NFIB: variants seen among roughly 807,000 people sequenced by gnomAD.
NFIB encodes the protein nuclear factor 1 B-type.
In NFIB, 11 loss-of-function variants were observed where a neutral mutation model predicts 61.5. That is an observed-to-expected ratio of 0.18 (90% confidence interval 0.11 to 0.30). The LOEUF is 0.30. Ranked by LOEUF, NFIB falls within the 10% of genes least tolerant of loss-of-function variation. NFIB has a pLI of 1.00. For missense variants in NFIB, 471 were observed against 608.9 expected (o/e 0.77, Z 2.38); for synonymous variants, 260 against 216.5 (o/e 1.20, Z -1.76).
chr9:14,346,753 C>G (rs1333125783), intron 1 of NFIB, among the ~76,000 whole-genome samples: 1 of 152,132 alleles, frequency 6.6e-6, no homozygotes, highest in Non-Finnish European at 1.5e-5. Flanking sequence ...GGTCACCTGG[C>G]GGTGCGCAAG....
Position 14,280,365 on chromosome 9 carries a change from A to G in NFIB, c.562+26624T>C, listed in dbSNP as rs74810766. On this transcript the variant is annotated intron_variant, in intron 2 of 10. Coordinates refer to ENST00000380953, the MANE Select transcript of NFIB (RefSeq NM_001190737.2). ...GATGAAAATACGCACACACACACAC[A>G]TTCAAGTGTTTAAAAGAGTATCTAC... 7.6e-3 allele frequency among the ~76,000 whole-genome samples: 1,151 copies of G among 152,304 alleles called. 19 individuals are homozygous for G. Among genetic ancestry groups the G allele is most frequent in the African/African-American group, 0.026 (1,064 of 41,574 alleles).
chr9:14,334,401 A>C (rs956847947), intron 1 of NFIB, among the ~76,000 whole-genome samples: 1 of 152,200 alleles, frequency 6.6e-6, no homozygotes, highest in Admixed American at 6.5e-5. Flanking sequence ...CAATATTTCC[A>C]TGTGGTTTTA....
chr9:14,502,830 T>C, the NFIB span, among the ~76,000 whole-genome samples: 1 of 152,188 alleles, frequency 6.6e-6, no homozygotes, highest in East Asian at 1.9e-4. Context: ...GGTACACCCA[T>C]CACCTGAGCA....
intron 2 of NFIB, among the ~76,000 whole-genome samples, chr9:14,244,619 C>T (rs2054701628): frequency 6.6e-6 from 1 of 152,146 alleles, no homozygotes; most frequent in Non-Finnish European, 1.5e-5. Flanking sequence ...GTTCACAAAC[C>T]ATGCCCAGTT....
chr9:14,087,175 G>A lies in NFIB; in HGVS notation c.*1134C>T, dbSNP rs1022320440. On this transcript the variant is annotated 3_prime_UTR_variant, in exon 11 of 11. Transcript: ENST00000380953. Reference sequence around the variant, plus strand: ...ACCCTATGGGTTCTTGATGCAACCAGTAATTTTAAATAAATAAATTCTACC... The same window carrying A: ...ACCCTATGGGTTCTTGATGCAACCAATAATTTTAAATAAATAAATTCTACC... 5.0e-6 allele frequency: 1 copy of A among 200,100 alleles called. No individual in the cohort carries two copies. Among genetic ancestry groups the A allele is most frequent in the African/African-American group, 2.3e-5 (1 of 43,416 alleles). 12.4% of individuals were successfully genotyped at this position (200,100 alleles called of 1,614,324 possible).
intron 2 of NFIB, among the ~76,000 whole-genome samples, chr9:14,245,851 T>A (rs2054864123): frequency 3.3e-5 from 5 of 152,068 alleles, no homozygotes; most frequent in Admixed American, 3.3e-4. Context: ...CCAGCCTGGG[T>A]GACAGAGCGA....
intron 2 of NFIB, among the ~76,000 whole-genome samples, chr9:14,284,811 C>A (rs1347947537): frequency 6.6e-6 from 1 of 152,148 alleles, no homozygotes; most frequent in East Asian, 1.9e-4. Flanking sequence ...TAGGGAAGAT[C>A]TTTATCATAA....
At chr9:14,285,480 G>A (rs1259340343) in intron 2 of NFIB, among the ~76,000 whole-genome samples, 5 of 152,122 alleles carry the variant, frequency 3.3e-5, no homozygotes, top group Non-Finnish European at 5.9e-5. Flanking sequence ...AATATGTAGA[G>A]GTTATTTCAG....
intron 2 of NFIB, among the ~76,000 whole-genome samples, chr9:14,265,153 G>A (rs1039175035): frequency 3.3e-5 from 5 of 152,254 alleles, no homozygotes; most frequent in African/African-American, 4.8e-5. Flanking sequence ...TGGAGAAAAG[G>A]TTGTATCTAC....
the NFIB span, among the ~76,000 whole-genome samples, chr9:14,474,750 C>T: frequency 1.3e-5 from 2 of 152,092 alleles, no homozygotes; most frequent in Admixed American, 1.3e-4. Flanking sequence ...AGGGAGAAAT[C>T]AAAAGAAAGA....
chr9:14,292,493 A>G (rs1161776559), intron 2 of NFIB, among the ~76,000 whole-genome samples: 2 of 152,240 alleles, frequency 1.3e-5, no homozygotes, highest in Non-Finnish European at 2.9e-5. Context: ...TTTATTAAGT[A>G]TTGCTTACTA....
At chr9:14,218,813 A>T (rs2051264036) in intron 2 of NFIB, among the ~76,000 whole-genome samples, 1 of 152,198 alleles carries the variant, frequency 6.6e-6, no homozygotes, top group Non-Finnish European at 1.5e-5. Flanking sequence ...AGCCTTGTTA[A>T]GTCCAGGTAA....
chr9:14,500,344 G>A, the NFIB span, among the ~76,000 whole-genome samples: 1 of 152,092 alleles, frequency 6.6e-6, no homozygotes, highest in East Asian at 1.9e-4. Context: ...GCAAGAACAC[G>A]TTTACCCCCA....
At chr9:14,304,847 C>T (rs553951070) in intron 2 of NFIB, among the ~76,000 whole-genome samples, 4 of 152,272 alleles carry the variant, frequency 2.6e-5, no homozygotes, top group East Asian at 3.9e-4. Context: ...AATTAACCTA[C>T]ACTTGACAAA....
At chr9:14,397,020 G>A (rs1321831029) in intron 1 of NFIB, among the ~76,000 whole-genome samples, 5 of 152,154 alleles carry the variant, frequency 3.3e-5, no homozygotes, top group South Asian at 2.1e-4. Flanking sequence ...AGATCCTAAC[G>A]AAGCTCTTCC....
chr9:14,104,382 C>G (rs2036237312), intron 10 of NFIB, among the ~76,000 whole-genome samples: 3 of 151,064 alleles, frequency 2.0e-5, no homozygotes, highest in Admixed American at 2.0e-4. Flanking sequence ...AATGGGTCGT[C>G]TAATCAAATT....
the NFIB span, among the ~76,000 whole-genome samples, chr9:14,412,856 T>C: frequency 2.0e-5 from 3 of 152,158 alleles, no homozygotes; most frequent in African/African-American, 7.2e-5. Context: ...AAAATGTTTG[T>C]TCAGAGGAGG....
chr9:14,292,387 T>C (rs2132550730), intron 2 of NFIB, among the ~76,000 whole-genome samples: 1 of 152,342 alleles, frequency 6.6e-6, no homozygotes, highest in South Asian at 2.1e-4. Flanking sequence ...ATGAGCAACA[T>C]GAAAGTGTTA....
At chr9:14,406,197 G>A in the NFIB span, among the ~76,000 whole-genome samples, 1 of 152,174 alleles carries the variant, frequency 6.6e-6, no homozygotes, top group South Asian at 2.1e-4. Context: ...GCAGATCTAG[G>A]ACCTATTCCA....
Sources: gnomAD v4.1 joint callset for allele counts (sites outside exome capture counted in the v4.1 genomes callset) on GRCh38, gnomAD v4.1.1 for gene constraint, MANE v1.5 for transcripts, NCBI Gene and HGNC (gene_info 2026-07-23, HGNC 2026-07-21) for gene names.